Variants in CDH13 observed in about 807,000 individuals in gnomAD.
CDH13 encodes the protein cadherin-13.
A neutral mutation model predicts 63.8 loss-of-function variants in CDH13; 24 were observed. The observed-to-expected ratio is 0.38, with a 90% CI of 0.27 to 0.53. The LOEUF (loss-of-function observed/expected upper bound fraction) is 0.53. CDH13 is among the 20% of genes least tolerant of loss of function. The pLI, the probability that CDH13 is intolerant of heterozygous loss-of-function variation, is 0.85. For synonymous variants in CDH13, 503 were observed against 355.3 expected, an observed-to-expected ratio of 1.42 and a Z score of -4.67; for missense variants, 1,049 against 903.1, an observed-to-expected ratio of 1.16 and a Z score of -2.07.
intron 6 of CDH13, among the ~76,000 whole-genome samples, chr16:83,391,107 C>A (rs186815521): frequency 5.7e-4 from 87 of 152,338 alleles, no homozygotes; most frequent in African/African-American, 2.0e-3. Context: ...TAACCTCCTT[C>A]ACCATCTGCT....
intron 1 of CDH13, among the ~76,000 whole-genome samples, chr16:82,745,837 T>A (rs2034136846): frequency 6.6e-6 from 1 of 152,218 alleles, no homozygotes; most frequent in South Asian, 2.1e-4. Context: ...AGTTTGACAC[T>A]GCAAACACCA....
At chr16:82,684,537 A>G (rs1457925181) in intron 1 of CDH13, among the ~76,000 whole-genome samples, 1 of 152,096 alleles carries the variant, frequency 6.6e-6, no homozygotes, top group Non-Finnish European at 1.5e-5. Flanking sequence ...CCACAGACTC[A>G]CCATCTCAGC....
At chr16:82,743,796 A>G (rs1194261340) in intron 1 of CDH13, among the ~76,000 whole-genome samples, 2 of 152,198 alleles carry the variant, frequency 1.3e-5, no homozygotes, top group Non-Finnish European at 2.9e-5. Context: ...AAATCTTGCC[A>G]TAAGTGTATT....
intron 5 of CDH13, among the ~76,000 whole-genome samples, chr16:83,304,069 A>G (rs1234110087): frequency 6.6e-6 from 1 of 152,190 alleles, no homozygotes; most frequent in Non-Finnish European, 1.5e-5. Flanking sequence ...TTAATTATTC[A>G]TGGAATTCCA....
At chr16:83,669,355 G>T (rs1252101503) in intron 8 of CDH13, among the ~76,000 whole-genome samples, 1 of 152,200 alleles carries the variant, frequency 6.6e-6, no homozygotes, top group African/African-American at 2.4e-5. Context: ...ATTCTAATGT[G>T]CAGACAGGGC....
chr16:82,698,145 T>G (rs2030558827), intron 1 of CDH13, among the ~76,000 whole-genome samples: 1 of 152,200 alleles, frequency 6.6e-6, no homozygotes, highest in South Asian at 2.1e-4. Context: ...GAATACCATG[T>G]TCAAAGTATG....
At chr16:83,200,921 ATGTGTGTGTGTG>A (rs374017580) in intron 4 of CDH13, among the ~76,000 whole-genome samples, 4,365 of 129,718 alleles carry the variant, frequency 0.034, 173 homozygotes, top group African/African-American at 0.089. Flanking sequence ...AGTCTTAAAA[ATGTGTGTGTGTG>A]TGTGTGTGTG....
intron 10 of CDH13, among the ~76,000 whole-genome samples, chr16:83,716,829 CT>C (rs1908982329): frequency 1.3e-5 from 2 of 152,124 alleles, no homozygotes; most frequent in African/African-American, 4.8e-5. Context: ...TCTTCCAGTC[CT>C]TTTCATTCTC....
intron 1 of CDH13, among the ~76,000 whole-genome samples, chr16:82,649,099 G>A (rs548125589): frequency 7.2e-5 from 11 of 152,272 alleles, no homozygotes; most frequent in East Asian, 3.9e-4. Flanking sequence ...GAGAGTGAGC[G>A]CGCACCGGCT....
intron 2 of CDH13, among the ~76,000 whole-genome samples, chr16:82,957,193 A>G (rs1906249668): frequency 6.6e-6 from 1 of 152,182 alleles, no homozygotes; most frequent in African/African-American, 2.4e-5. Context: ...AGTTGCATCT[A>G]CCACCTCTCC....
intron 3 of CDH13, among the ~76,000 whole-genome samples, chr16:83,052,154 T>C (rs2030411148): frequency 6.6e-6 from 1 of 152,180 alleles, no homozygotes; most frequent in African/African-American, 2.4e-5. Flanking sequence ...TAATATTTAT[T>C]TTTAGAAACC....
At chr16:83,178,632 G>C (rs1055606406) in intron 4 of CDH13, among the ~76,000 whole-genome samples, 1 of 152,170 alleles carries the variant, frequency 6.6e-6, no homozygotes, top group South Asian at 2.1e-4. Context: ...TTAGCTGGTT[G>C]ATTTTATTTA....
intron 10 of CDH13, chr16:83,739,819 C>G (rs1911893791): frequency 6.6e-6 from 1 of 152,200 alleles, no homozygotes; most frequent in Admixed American, 6.5e-5. Flanking sequence ...CATTCAACAA[C>G]TGAGTACCTA....
intron 10 of CDH13, among the ~76,000 whole-genome samples, chr16:83,741,339 T>C (rs1912038710): frequency 1.3e-5 from 2 of 150,962 alleles, no homozygotes; most frequent in Non-Finnish European, 2.9e-5. Context: ...AGAATTCCCC[T>C]ACTGTTTCCC....
chr16:82,928,264 T>C (rs1209240895), intron 2 of CDH13, among the ~76,000 whole-genome samples: 3 of 152,214 alleles, frequency 2.0e-5, no homozygotes, highest in Non-Finnish European at 4.4e-5. Context: ...CTAATTCATT[T>C]GACCAGTCCT....
At chr16:83,415,256 C>T (rs2092183098) in intron 6 of CDH13, among the ~76,000 whole-genome samples, 3 of 152,012 alleles carry the variant, frequency 2.0e-5, no homozygotes, top group Admixed American at 1.3e-4. Flanking sequence ...CGAACGGACC[C>T]ATAACTCATA....
chr16:83,665,007 A>G (rs1913803782), intron 8 of CDH13, among the ~76,000 whole-genome samples: 7 of 152,210 alleles, frequency 4.6e-5, no homozygotes. Context: ...GAATTGTTGT[A>G]TCTTTCCGCC....
At chr16:82,659,788 T>C (rs1911721550) in intron 1 of CDH13, among the ~76,000 whole-genome samples, 1 of 151,964 alleles carries the variant, frequency 6.6e-6, no homozygotes, top group South Asian at 2.1e-4. Flanking sequence ...GGTGGCCACT[T>C]TGGGCAGGAA....
chr16:83,090,569 A>G (rs1315330733), intron 3 of CDH13, among the ~76,000 whole-genome samples: 2 of 98,108 alleles, frequency 2.0e-5, no homozygotes, highest in East Asian at 2.8e-4. Context: ...GCGAAACTGC[A>G]TCTCAAAAAA....
Sources: allele counts gnomAD v4.1 joint callset (sites outside exome capture counted in the v4.1 genomes callset), GRCh38; gene constraint gnomAD v4.1.1; transcripts MANE v1.5; gene names NCBI Gene and HGNC (gene_info 2026-07-23, HGNC 2026-07-21).